PTPRG: variants seen among roughly 807,000 people sequenced by gnomAD.
PTPRG encodes the protein receptor-type tyrosine-protein phosphatase gamma.
PTPRG carries 102 observed loss-of-function variants against 165.3 expected under a neutral mutation model. That is an observed-to-expected ratio of 0.62 (90% confidence interval 0.53 to 0.73). PTPRG has a LOEUF of 0.73. Among genes scored for constraint, PTPRG ranks in the 30% least tolerant of loss-of-function variants. The probability of loss-of-function intolerance (pLI) is 0.00; values close to 1 mark genes in which losing one functional copy is unlikely to be tolerated. For synonymous variants in PTPRG, 675 were observed against 669.5 expected (o/e 1.01, Z -0.13); for missense variants, 1,866 against 1,861.4 (o/e 1.00, Z -0.05).
chr3:62,262,022 T>C (rs1402707818), intron 16 of PTPRG: 1 of 152,224 alleles, frequency 6.6e-6, no homozygotes, highest in African/African-American at 2.4e-5. Context: ...CCCTTATTAG[T>C]CAGCTCCAGT....
intron 2 of PTPRG, among the ~76,000 whole-genome samples, chr3:61,752,486 T>G (rs1389284705): frequency 6.6e-6 from 1 of 152,094 alleles, no homozygotes; most frequent in Non-Finnish European, 1.5e-5. Context: ...TTACTGTATC[T>G]GGCCTCTTAT....
intron 1 of PTPRG, among the ~76,000 whole-genome samples, chr3:61,671,085 G>C (rs1702967641): frequency 6.6e-6 from 1 of 151,744 alleles, no homozygotes; most frequent in African/African-American, 2.4e-5. Context: ...ATCTCTCGGG[G>C]AAGATTATTT....
Position 61,883,916 on chromosome 3 carries a change from A to G in PTPRG, c.191-105709A>G, listed in dbSNP as rs144120961. On this transcript the variant is annotated intron_variant, in intron 2 of 29. Transcript: ENST00000474889. ...TTTTTTGTAGAGACAGGGTCTTACC[A>G]TGTTGCTCAGGCTGTTCTTGAACTC... Among the ~76,000 whole-genome samples, 13 of 152,268 alleles carry G rather than the reference A, an allele frequency of 8.5e-5. No individual in the cohort carries two copies. In the East Asian group the frequency reaches 1.7e-3, roughly 20 times the overall value.
intron 1 of PTPRG, among the ~76,000 whole-genome samples, chr3:61,669,055 C>G (rs1377866990): frequency 6.6e-6 from 1 of 152,148 alleles, no homozygotes; most frequent in Non-Finnish European, 1.5e-5. Flanking sequence ...AAAACTAACA[C>G]TGTGCATTGC....
intron 2 of PTPRG, among the ~76,000 whole-genome samples, chr3:61,793,509 T>G (rs980548639): frequency 1.3e-5 from 2 of 152,220 alleles, no homozygotes; most frequent in Admixed American, 1.3e-4. Flanking sequence ...CTGAACCAGC[T>G]GTATCTGGAG....
chr3:61,711,131 A>T (rs571938496), intron 1 of PTPRG, among the ~76,000 whole-genome samples: 1 of 152,128 alleles, frequency 6.6e-6, no homozygotes, highest in Non-Finnish European at 1.5e-5. Flanking sequence ...ATAGTATTCC[A>T]TGGTGTATGT....
chr3:61,841,160 G>A (rs1387133951), intron 2 of PTPRG, among the ~76,000 whole-genome samples: 2 of 152,072 alleles, frequency 1.3e-5, no homozygotes, highest in East Asian at 3.9e-4. Context: ...AAGCATCAAC[G>A]TATATATTGG....
chr3:62,140,465 A>T (rs1703882298), intron 6 of PTPRG, among the ~76,000 whole-genome samples: 1 of 152,198 alleles, frequency 6.6e-6, no homozygotes, highest in South Asian at 2.1e-4. Flanking sequence ...ACAAAAGCAA[A>T]ACAGTGGGTA....
intron 1 of PTPRG, among the ~76,000 whole-genome samples, chr3:61,610,237 C>T (rs757759709): frequency 6.6e-6 from 1 of 151,728 alleles, no homozygotes; most frequent in Non-Finnish European, 1.5e-5. Context: ...ATTTAATGTG[C>T]TTGGAATAGT....
At chr3:61,920,450 C>T (rs2039050850) in intron 2 of PTPRG, among the ~76,000 whole-genome samples, 1 of 152,146 alleles carries the variant, frequency 6.6e-6, no homozygotes, top group Non-Finnish European at 1.5e-5. Context: ...GGCTGGAGTG[C>T]AGTGGCACAA....
intron 2 of PTPRG, among the ~76,000 whole-genome samples, chr3:61,783,165 G>C (rs2034594706): frequency 6.6e-6 from 1 of 152,094 alleles, no homozygotes; most frequent in Non-Finnish European, 1.5e-5. Context: ...AACATGGCAA[G>C]ACCCTGTCTC....
In PTPRG at chr3:62,203,266, T is replaced by G. The variant is rs776399924; in HGVS notation, c.1471T>G (p.Ser491Ala). 2.5e-6 allele frequency: 4 copies of G among 1,613,940 alleles called. No homozygotes were observed. Among genetic ancestry groups the G allele is most frequent in the Non-Finnish European group, 2.5e-6 (3 of 1,179,998 alleles). The change falls in exon 12 of 30, where the codon TCC becomes GCC. Residue 491 changes from serine (S) to alanine (A), a missense_variant. By Grantham distance (99) the Ser-to-Ala change is moderately conservative. This residue lies in a region of PTPRG where 1,452 missense variants were observed against 1,463.0 expected (regional missense o/e 0.99). Coordinates refer to ENST00000474889, the MANE Select transcript of PTPRG (RefSeq NM_002841.4). This position sits in a 1 kb window ranked among gnomAD's most constrained non-coding sequence, Gnocchi z 6.4. Reference sequence around the variant, plus strand: ...CTCTGGCATCCCATTCTCATTTGTTTCCATGGCAACTGGGATGGGCCCCTC... The same window carrying G: ...CTCTGGCATCCCATTCTCATTTGTTGCCATGGCAACTGGGATGGGCCCCTC... Reference protein sequence around the residue: ...TSSGIPFSFVSMATGMGPSSS... With the variant: ...TSSGIPFSFVAMATGMGPSSS...
chr3:61,694,185 G>A (rs1038444971), intron 1 of PTPRG, among the ~76,000 whole-genome samples: 1 of 152,110 alleles, frequency 6.6e-6, no homozygotes, highest in African/African-American at 2.4e-5. Flanking sequence ...AGACGTGGGT[G>A]CAAAAATGCC....
At chr3:62,239,957 A>G (rs1701120849) in intron 14 of PTPRG, among the ~76,000 whole-genome samples, 1 of 152,182 alleles carries the variant, frequency 6.6e-6, no homozygotes, top group South Asian at 2.1e-4. Flanking sequence ...CAAAGGGACC[A>G]TCTTCATATT....
At chr3:61,815,947 A>G (rs2035750547) in intron 2 of PTPRG, among the ~76,000 whole-genome samples, 1 of 152,206 alleles carries the variant, frequency 6.6e-6, no homozygotes. Flanking sequence ...TCCTAAAGTC[A>G]CTGGTGACTG....
intron 2 of PTPRG, among the ~76,000 whole-genome samples, chr3:61,784,500 C>G (rs895170182): frequency 6.6e-6 from 1 of 151,972 alleles, no homozygotes; most frequent in Admixed American, 6.6e-5. Context: ...GGAATGAGTA[C>G]GGACTGTGGT....
intron 2 of PTPRG, among the ~76,000 whole-genome samples, chr3:61,798,102 A>C (rs895420924): frequency 6.6e-6 from 1 of 152,220 alleles, no homozygotes; most frequent in African/African-American, 2.4e-5. Context: ...TCTGCATTTT[A>C]ATACAGACAA....
At chr3:61,676,112 A>G (rs1703206074) in intron 1 of PTPRG, among the ~76,000 whole-genome samples, 1 of 152,170 alleles carries the variant, frequency 6.6e-6, no homozygotes. Context: ...GATACTGGCT[A>G]GTATTTCGCC....
intron 2 of PTPRG, among the ~76,000 whole-genome samples, chr3:61,813,374 G>A (rs967989498): frequency 2.0e-5 from 3 of 150,202 alleles, no homozygotes; most frequent in African/African-American, 7.3e-5. Flanking sequence ...AATTAGTTGG[G>A]TGTGGTGACA....
Sources: gnomAD v4.1 joint callset for allele counts (sites outside exome capture counted in the v4.1 genomes callset) on GRCh38, gnomAD v4.1.1 for gene constraint, gnomAD v4.1.1 regional missense constraint, Gnocchi (gnomAD v3.1) non-coding constraint, MANE v1.5 for transcripts, NCBI Gene and HGNC (gene_info 2026-07-23, HGNC 2026-07-21) for gene names.